CNTN3: variants seen among roughly 807,000 people sequenced by gnomAD.
CNTN3 encodes contactin-3.
A neutral mutation model predicts 119.1 loss-of-function variants in CNTN3; 60 were observed. The observed-to-expected ratio is 0.50, with a 90% CI of 0.41 to 0.62. The LOEUF is 0.62. Ranked by LOEUF, CNTN3 falls within the 20% of genes least tolerant of loss-of-function variation. The probability of loss-of-function intolerance (pLI) is 0.00; values close to 1 mark genes in which losing one functional copy is unlikely to be tolerated. For missense variants in CNTN3, 1,101 were observed against 1,242.4 expected, an observed-to-expected ratio of 0.89 and a Z score of 1.71; for synonymous variants, 450 against 438.7, an observed-to-expected ratio of 1.03 and a Z score of -0.32.
At chr3:74,270,956 T>A (rs1419764236) in intron 20 of CNTN3, among the ~76,000 whole-genome samples, 1 of 152,210 alleles carries the variant, frequency 6.6e-6, no homozygotes, top group Non-Finnish European at 1.5e-5. Context: ...AGGATACACA[T>A]AATCATTTCA....
At chr3:74,568,635 G>T (rs1704263317) in intron 1 of CNTN3, among the ~76,000 whole-genome samples, 3 of 152,170 alleles carry the variant, frequency 2.0e-5, no homozygotes, top group African/African-American at 7.2e-5. Context: ...CCTATAAGTG[G>T]TAGATGTAAC....
intron 5 of CNTN3, among the ~76,000 whole-genome samples, chr3:74,376,879 C>T (rs931233594): frequency 3.3e-5 from 5 of 149,618 alleles, no homozygotes; most frequent in Admixed American, 6.7e-5. Flanking sequence ...AGGTATAGTG[C>T]TAAGTGCTTT....
At chr3:74,341,225 TA>T (rs1422181175) in intron 11 of CNTN3, among the ~76,000 whole-genome samples, 8 of 152,320 alleles carry the variant, frequency 5.3e-5, no homozygotes, top group Admixed American at 5.2e-4. Flanking sequence ...AAATAAACAA[TA>T]TTCAGTAAAT....
At chr3:74,435,339 T>C (rs557798819) in intron 4 of CNTN3, among the ~76,000 whole-genome samples, 1 of 152,102 alleles carries the variant, frequency 6.6e-6, no homozygotes, top group Non-Finnish European at 1.5e-5. Flanking sequence ...CATCCCCAGC[T>C]AGTTTTTTGT....
intron 5 of CNTN3, among the ~76,000 whole-genome samples, chr3:74,416,383 T>C (rs980019858): frequency 1.3e-5 from 2 of 152,182 alleles, no homozygotes; most frequent in Non-Finnish European, 2.9e-5. Context: ...TTATTCCCCA[T>C]GTATAGATAA....
Position 74,299,889 on chromosome 3 carries a change from A to T in CNTN3, c.2145T>A (p.Ser715=), listed in dbSNP as rs1414734059. ...SEVNGGGGSR[S]ELVITWDPVP... ...TTACATCCCAGGTTATCACAAGTTCAGACCGGCTTCCGCCTCCTCCATTGA... is the reference window on the plus strand; with the variant it reads ...TTACATCCCAGGTTATCACAAGTTCTGACCGGCTTCCGCCTCCTCCATTGA... Residue 715 remains serine (S), a synonymous_variant, in exon 17 of 23, where the codon TCT becomes TCA. Coordinates refer to ENST00000263665, the MANE Select transcript of CNTN3 (RefSeq NM_020872.3). The T allele has an allele frequency of 6.2e-7, 1 of 1,606,904 alleles. No individual in the cohort carries two copies. The highest frequency in any genetic ancestry group is 1.1e-5 in the South Asian group (1 of 88,912).
intron 13 of CNTN3, among the ~76,000 whole-genome samples, chr3:74,311,088 A>C (rs1702674365): frequency 1.3e-5 from 2 of 152,160 alleles, no homozygotes; most frequent in African/African-American, 4.8e-5. Flanking sequence ...TTTAAAGCAA[A>C]ACTCTGGACT....
intron 4 of CNTN3, among the ~76,000 whole-genome samples, chr3:74,467,328 T>G (rs1171256931): frequency 1.3e-5 from 2 of 152,180 alleles, no homozygotes; most frequent in Non-Finnish European, 2.9e-5. Context: ...CTATTTGATT[T>G]GAAGTCGTAA....
chr3:74,506,033 G>T (rs565353646), intron 2 of CNTN3, among the ~76,000 whole-genome samples: 1 of 152,078 alleles, frequency 6.6e-6, no homozygotes, highest in Non-Finnish European at 1.5e-5. Flanking sequence ...AATACTGCTC[G>T]CAGGAATGGC....
intron 17 of CNTN3, among the ~76,000 whole-genome samples, chr3:74,298,941 A>G: frequency 6.6e-6 from 1 of 151,502 alleles, no homozygotes; most frequent in East Asian, 2.0e-4. Context: ...TTAATGAATT[A>G]CATCCCTGTA....
intron 17 of CNTN3, 76 bp from the exon 18 acceptor site, chr3:74,298,267 G>T (rs1702382196): frequency 4.7e-6 from 4 of 854,118 alleles, no homozygotes; most frequent in Admixed American, 5.9e-5. Flanking sequence ...TAATCCACAG[G>T]CATTTATTTG....
chr3:74,327,490 T>C (rs768902784), intron 13 of CNTN3, among the ~76,000 whole-genome samples: 4 of 152,208 alleles, frequency 2.6e-5, no homozygotes, highest in Non-Finnish European at 5.9e-5. Context: ...GTTTTCTTAC[T>C]GTATTCATGT....
At chr3:74,489,360 T>C (rs1702919146) in intron 3 of CNTN3, among the ~76,000 whole-genome samples, 1 of 152,098 alleles carries the variant, frequency 6.6e-6, no homozygotes, top group Non-Finnish European at 1.5e-5. Flanking sequence ...ATTTAGCCTA[T>C]TTCATATTCA....
At chr3:74,421,195 G>A (rs1315203614) in intron 5 of CNTN3, among the ~76,000 whole-genome samples, 1 of 152,004 alleles carries the variant, frequency 6.6e-6, no homozygotes, top group African/African-American at 2.4e-5. Context: ...TTTTGAGACA[G>A]AGTCTCGCTC....
intron 12 of CNTN3, among the ~76,000 whole-genome samples, 161 bp downstream of exon 12, chr3:74,336,370 A>G (rs1004684692): frequency 6.6e-6 from 1 of 152,162 alleles, no homozygotes; most frequent in African/African-American, 2.4e-5. Context: ...CTAAGGAAAT[A>G]TTGTTCCCTT....
rs533140640 is a variant in CNTN3, at chr3:74,607,539, C to T, written c.-81+6852G>A. ...AAGCCTGACCACACTGATAAACAAA[C>T]ATATTTGCTATCTGCAGAACTTTTC... is the stretch of plus-strand genomic sequence containing the variant. On this transcript the variant is annotated intron_variant, in intron 1 of 22. Coordinates refer to ENST00000263665, the MANE Select transcript of CNTN3 (RefSeq NM_020872.3). 1.6e-4 allele frequency among the ~76,000 whole-genome samples: 24 copies of T among 152,278 alleles called. No homozygotes were observed. The South Asian group carries it at 3.7e-3, about 24-fold the overall frequency.
intron 4 of CNTN3, 121 bp downstream of exon 4, chr3:74,486,335 C>T (rs1702858188): frequency 2.8e-5 from 24 of 846,248 alleles, no homozygotes; most frequent in Non-Finnish European, 4.3e-5. Context: ...GAATTGCTTT[C>T]TCAGTCTATT....
intron 5 of CNTN3, among the ~76,000 whole-genome samples, chr3:74,408,268 C>A (rs1239681830): frequency 6.6e-6 from 1 of 152,112 alleles, no homozygotes; most frequent in Non-Finnish European, 1.5e-5. Context: ...TTTTGAAAAT[C>A]TGATCTAACT....
intron 1 of CNTN3, among the ~76,000 whole-genome samples, chr3:74,574,834 A>G (rs1704388497): frequency 1.3e-5 from 2 of 152,190 alleles, no homozygotes; most frequent in Non-Finnish European, 2.9e-5. Context: ...AAATGATAAA[A>G]TGGCTGGTGA....
Sources: gnomAD v4.1 joint callset for allele counts (sites outside exome capture counted in the v4.1 genomes callset) on GRCh38, gnomAD v4.1.1 for gene constraint, MANE v1.5 for transcripts, NCBI Gene and HGNC (gene_info 2026-07-23, HGNC 2026-07-21) for gene names.